PRH1: variants seen among roughly 807,000 people sequenced by gnomAD.
PRH1 encodes proline rich protein HaeIII subfamily 1.
In PRH1, 7 loss-of-function variants were observed where a neutral mutation model predicts 7.9. The observed-to-expected ratio is 0.89, with a 90% CI of 0.50 to 1.67. The LOEUF (loss-of-function observed/expected upper bound fraction) is 1.67, where lower values mean the gene tolerates loss of function less well. Among genes scored for constraint, PRH1 ranks in the 40% most tolerant of loss-of-function variants. PRH1 has a pLI of 0.00. For synonymous variants in PRH1, 45 were observed against 80.8 expected (o/e 0.56, Z 2.38); for missense variants, 109 against 223.6 (o/e 0.49, Z 3.27).
chr12:11,043,081 G>C (rs1321566286), intron 1 of PRH1, among the ~76,000 whole-genome samples: 1 of 152,108 alleles, frequency 6.6e-6, no homozygotes, highest in Non-Finnish European at 1.5e-5. Flanking sequence ...ACATTAAAAA[G>C]ATAATTCCTC....
chr12:10,937,592 C>A (rs892332810), intron 2 of PRH1: 1 of 152,102 alleles, frequency 6.6e-6, no homozygotes, highest in Admixed American at 6.6e-5. Flanking sequence ...TTACTTAACA[C>A]TTTGAATGTT....
At position 10,883,095 on chromosome 12, in the gene PRH1, A is replaced by G. The variant is rs1949434016; in HGVS notation, c.66T>C (p.Asp22=). 6.2e-7 allele frequency: 1 copy of G among 1,613,206 alleles called. No homozygotes were observed. Among genetic ancestry groups the G allele is most frequent in the Middle Eastern group, 1.7e-4 (1 of 6,058 alleles). Residue 22 remains aspartate (D), a splice_region_variant and synonymous_variant, in exon 2 of 4, where the codon GAT becomes GAC. Transcript: ENST00000543626. The part of the protein sequence containing the change: ...AFSSAQDLNE[D]VSQEDVPLVI... ...CGAGGGGAACATCTTCCTGGCTGAC[A>G]TCTAGAAAAGAAGTACAGGATGATG...
intron 2 of PRH1, among the ~76,000 whole-genome samples, chr12:10,910,070 A>C (rs552703429): frequency 6.6e-6 from 1 of 152,326 alleles, no homozygotes; most frequent in East Asian, 1.9e-4. Context: ...TACCAAAGAA[A>C]GCAGTACTAT....
At chr12:10,990,143 A>G (rs10845266) in intron 1 of PRH1, among the ~76,000 whole-genome samples, 46,329 of 152,098 alleles carry the variant, frequency 0.3, 8,923 homozygotes, top group East Asian at 0.74. Context: ...GCAGCGAAAT[A>G]GAATAGAGAA....
In PRH1 at chr12:10,941,958, C is replaced by T. The variant is rs1019879791; in HGVS notation, c.-59+31697G>A. Among the ~76,000 whole-genome samples the T allele has an allele frequency of 3.9e-5, 6 of 152,120 alleles. No individual in the cohort carries two copies. The South Asian group carries it at 8.3e-4, about 21-fold the overall frequency. On this transcript the variant is annotated intron_variant, in intron 2 of 3. Transcript: ENST00000539853. Reference sequence around the variant, plus strand: ...CCCTTTTTTCCTATGGATGTGGCTTCCTGACAGCTGAGCTGTAGTAATTGT... The same window carrying T: ...CCCTTTTTTCCTATGGATGTGGCTTTCTGACAGCTGAGCTGTAGTAATTGT...
intron 2 of PRH1, among the ~76,000 whole-genome samples, chr12:10,945,181 T>A (rs990239552): frequency 1.3e-5 from 2 of 152,128 alleles, no homozygotes; most frequent in Non-Finnish European, 2.9e-5. Context: ...ATCCAGCAGG[T>A]CTTGGGCTTT....
chr12:10,997,065 A>G, intron 1 of PRH1: 1 of 1,614,066 alleles, frequency 6.2e-7, no homozygotes, highest in South Asian at 1.1e-5. Context: ...AATGATGGAT[A>G]TATGATTCCA....
upstream of PRH1, among the ~76,000 whole-genome samples, chr12:11,047,701 G>A (rs1396568417): frequency 7.0e-6 from 1 of 142,560 alleles, no homozygotes; most frequent in African/African-American, 2.5e-5. Context: ...ACAGTTTTTG[G>A]TATACACATA....
At chr12:10,978,078 T>TAAAAAA (rs34256878) in intron 1 of PRH1, among the ~76,000 whole-genome samples, 1 of 131,098 alleles carries the variant, frequency 7.6e-6, no homozygotes. Flanking sequence ...TCATATGGAA[T>TAAAAAA]AAAAAAAAAA....
chr12:11,073,324 T>A (rs77480002), intron 1 of PRH1, among the ~76,000 whole-genome samples: 1 of 84,564 alleles, frequency 1.2e-5, no homozygotes, highest in Admixed American at 1.2e-4. Context: ...AGTAGAGACC[T>A]GGTTTCACCA....
intron 1 of PRH1, among the ~76,000 whole-genome samples, chr12:11,052,799 T>C (rs1413799555): frequency 6.6e-6 from 1 of 152,204 alleles, no homozygotes; most frequent in Non-Finnish European, 1.5e-5. Context: ...TTCATTTTTT[T>C]AGTCTTATTG....
intron 1 of PRH1, among the ~76,000 whole-genome samples, chr12:11,037,441 C>T (rs1289336754): frequency 6.6e-6 from 1 of 152,140 alleles, no homozygotes. Context: ...AAATATTTAA[C>T]CCAACTTACA....
intron 1 of PRH1, among the ~76,000 whole-genome samples, chr12:11,114,640 A>G (rs1945681002): frequency 6.6e-6 from 1 of 152,178 alleles, no homozygotes; most frequent in South Asian, 2.1e-4. Context: ...GTATCCCAGA[A>G]GTTAAAGTAT....
At chr12:11,033,553 C>T (rs930403994) in intron 1 of PRH1, among the ~76,000 whole-genome samples, 14 of 151,754 alleles carry the variant, frequency 9.2e-5, no homozygotes, top group South Asian at 4.2e-4. Context: ...ATTCAGGAGC[C>T]GAAAGAAAAA....
chr12:11,021,697 G>A, intron 1 of PRH1: 2 of 1,611,722 alleles, frequency 1.2e-6, no homozygotes, highest in Non-Finnish European at 8.5e-7. Context: ...CCACAAAACT[G>A]AAAGAAAGGT....
chr12:11,151,748 A>C (rs1947093993), intron 1 of PRH1, among the ~76,000 whole-genome samples: 1 of 152,194 alleles, frequency 6.6e-6, no homozygotes, highest in Non-Finnish European at 1.5e-5. Context: ...TAGGGAAAGA[A>C]AGTCTTTCTT....
chr12:11,124,699 T>A (rs80112446), intron 1 of PRH1, among the ~76,000 whole-genome samples: 1 of 122,802 alleles, frequency 8.1e-6, no homozygotes, highest in African/African-American at 2.7e-5. Flanking sequence ...TTTAATAAGA[T>A]AGATGTAAAT....
intron 1 of PRH1, among the ~76,000 whole-genome samples, chr12:11,139,226 T>C (rs1203256600): frequency 2.0e-5 from 3 of 152,088 alleles, no homozygotes; most frequent in Non-Finnish European, 2.9e-5. Context: ...GAATATAACA[T>C]ACAGAGAGTA....
In PRH1 at chr12:11,160,055, T is replaced by C. The variant is rs189638868; in HGVS notation, n.39+11367A>G. Among the ~76,000 whole-genome samples the C allele has an allele frequency of 2.6e-5, 4 of 152,312 alleles. No homozygotes were observed. The East Asian group carries it at 7.7e-4, about 29-fold the overall frequency. On this transcript the variant is annotated intron_variant and non_coding_transcript_variant, in intron 1 of 1. Coordinates refer to the PRH1 transcript ENST00000541175. ...GACTAAAGAAGCGAAGTCGAGTATG[T>C]AAACATGCAAAAATGAGAGATCATT... is the stretch of plus-strand genomic sequence containing the variant.
Sources: gnomAD v4.1 joint callset for allele counts (sites outside exome capture counted in the v4.1 genomes callset) on GRCh38, gnomAD v4.1.1 for gene constraint, MANE v1.5 for transcripts, NCBI Gene and HGNC (gene_info 2026-07-23, HGNC 2026-07-21) for gene names.